The following CTNND2 variants were observed in gnomAD, a reference collection of about 807,000 sequenced individuals.
CTNND2 encodes catenin delta 2, also known as catenin delta-2.
Under a neutral mutation model 144.4 loss-of-function variants are expected in CTNND2, and 22 were observed. The observed-to-expected ratio is 0.15, with a 90% CI of 0.11 to 0.22. CTNND2 has a LOEUF of 0.22. Among genes scored for constraint, CTNND2 ranks in the 10% least tolerant of loss-of-function variants. The probability of loss-of-function intolerance (pLI) is 1.00; values close to 1 mark genes in which losing one functional copy is unlikely to be tolerated. For synonymous variants in CTNND2, 751 were observed against 695.6 expected, an observed-to-expected ratio of 1.08 and a Z score of -1.25; for missense variants, 1,353 against 1,618.8, an observed-to-expected ratio of 0.84 and a Z score of 2.82.
intron 2 of CTNND2, among the ~76,000 whole-genome samples, chr5:11,691,213 T>C (rs1473948418): frequency 6.6e-6 from 1 of 151,676 alleles, no homozygotes; most frequent in East Asian, 1.9e-4. Flanking sequence ...CTACTAAAAA[T>C]ACAAAAAATT....
rs182230831 is a variant in CTNND2, at chr5:11,287,602, G to C, written c.1629-50779C>G. Among the ~76,000 whole-genome samples the C allele has an allele frequency of 9.5e-4, 144 of 152,342 alleles. 1 individual carries two copies. The Middle Eastern group carries it at 0.02, about 22-fold the overall frequency. On this transcript the variant is annotated intron_variant, in intron 9 of 21. Transcript: ENST00000304623. ...CATCCTTAGAAGTGTTCAAGGTAGTGTCCTGCTTAATTCTCAATATGCAGG... is the reference window on the plus strand; with the variant it reads ...CATCCTTAGAAGTGTTCAAGGTAGTCTCCTGCTTAATTCTCAATATGCAGG...
Position 11,278,692 on chromosome 5 carries a change from A to G in CTNND2, c.1629-41869T>C, listed in dbSNP as rs917391023. Among the ~76,000 whole-genome samples, 28 of 152,328 alleles carry G rather than the reference A, an allele frequency of 1.8e-4. No individual in the cohort carries two copies. The South Asian group carries it at 5.8e-3, about 32-fold the overall frequency. On this transcript the variant is annotated intron_variant, in intron 9 of 21. Transcript: ENST00000304623. ...ACACATATGTGTGCATCATTGCAATACAGATGATAATCAAAGCCTTGAGTC... is the reference window on the plus strand; with the variant it reads ...ACACATATGTGTGCATCATTGCAATGCAGATGATAATCAAAGCCTTGAGTC...
intron 2 of CTNND2, among the ~76,000 whole-genome samples, chr5:11,625,389 A>ATCTCTCTCTCTCTCTCTCTCTCTC (rs57148533): frequency 1.9e-4 from 26 of 140,484 alleles, no homozygotes; most frequent in African/African-American, 6.6e-4. Context: ...AAACAGAAAA[A>ATCTCTCTCTCTCTCTCTCTCTCTC]TCTCTCTCTC....
At chr5:11,770,506 T>A (rs144046440) in intron 1 of CTNND2, among the ~76,000 whole-genome samples, 1 of 151,744 alleles carries the variant, frequency 6.6e-6, no homozygotes, top group Admixed American at 6.6e-5. Flanking sequence ...TTCAATATGA[T>A]GGATATATTT....
chr5:11,523,146 T>C (rs180714376), intron 3 of CTNND2, among the ~76,000 whole-genome samples: 2 of 152,330 alleles, frequency 1.3e-5, no homozygotes, highest in African/African-American at 2.4e-5. Flanking sequence ...GGAAGTTTAA[T>C]ACATAATATA....
At chr5:11,352,654 C>T (rs1392069461) in intron 8 of CTNND2, among the ~76,000 whole-genome samples, 3 of 152,044 alleles carry the variant, frequency 2.0e-5, no homozygotes, top group African/African-American at 7.3e-5. Context: ...TTATCTTAAC[C>T]AATAGCATTG....
rs1271158868 is a variant in CTNND2 at position 11,765,497 on chromosome 5, G to T, written c.38-33225C>A. The stretch of plus-strand genomic sequence containing the variant: ...GAAAGCCAGGCCAGACAAGGTCTGT[G>T]TCCACTCTTCTGCATTCACACTCCT... On this transcript the variant is annotated intron_variant, in intron 1 of 21. Coordinates refer to ENST00000304623, the MANE Select transcript of CTNND2 (RefSeq NM_001332.4). Among the ~76,000 whole-genome samples, 3 of 152,184 alleles carry T rather than the reference G, an allele frequency of 2.0e-5. No homozygotes were observed. The South Asian group carries it at 6.2e-4, about 32-fold the overall frequency.
At chr5:11,172,915 A>G (rs1198600623) in intron 11 of CTNND2, among the ~76,000 whole-genome samples, 1 of 152,206 alleles carries the variant, frequency 6.6e-6, no homozygotes, top group African/African-American at 2.4e-5. Context: ...TATACAGTGG[A>G]AGTGAGGACT....
At chr5:11,871,826 C>G (rs1007795932) in intron 1 of CTNND2, among the ~76,000 whole-genome samples, 2 of 152,074 alleles carry the variant, frequency 1.3e-5, no homozygotes, top group African/African-American at 4.8e-5. Flanking sequence ...ATTTCTTATT[C>G]TAATATTGGG....
chr5:11,024,721 G>T (rs1033842473), intron 16 of CTNND2, among the ~76,000 whole-genome samples: 1 of 152,010 alleles, frequency 6.6e-6, no homozygotes, highest in South Asian at 2.1e-4. Context: ...TGAAGAGAGG[G>T]TTAAGAATTT....
chr5:11,684,035 C>T (rs985074767), intron 2 of CTNND2, among the ~76,000 whole-genome samples: 1 of 151,918 alleles, frequency 6.6e-6, no homozygotes, highest in Non-Finnish European at 1.5e-5. Flanking sequence ...ATTATGATGT[C>T]GATCCACTTT....
chr5:11,061,695 A>C (rs1261664143), intron 16 of CTNND2, among the ~76,000 whole-genome samples: 1 of 151,706 alleles, frequency 6.6e-6, no homozygotes, highest in African/African-American at 2.4e-5. Context: ...TGAAGTGGAA[A>C]GTAGATATTG....
intron 16 of CTNND2, among the ~76,000 whole-genome samples, chr5:11,050,346 T>C (rs897481569): frequency 1.3e-5 from 2 of 152,216 alleles, no homozygotes; most frequent in African/African-American, 4.8e-5. Flanking sequence ...GTTAACTGCC[T>C]GCTTCTTACA....
intron 5 of CTNND2, among the ~76,000 whole-genome samples, chr5:11,400,516 C>T (rs537372460): frequency 1.1e-4 from 17 of 152,228 alleles, no homozygotes; most frequent in African/African-American, 4.1e-4. Flanking sequence ...ATGAATCACC[C>T]CTGTGAGCCA....
intron 2 of CTNND2, among the ~76,000 whole-genome samples, chr5:11,615,961 C>T (rs1476841923): frequency 1.3e-5 from 2 of 152,204 alleles, no homozygotes; most frequent in Non-Finnish European, 2.9e-5. Flanking sequence ...GGTCCTCTAT[C>T]TCCATGATGG....
chr5:11,336,859 C>T (rs944870131), intron 9 of CTNND2, among the ~76,000 whole-genome samples: 3 of 152,172 alleles, frequency 2.0e-5, no homozygotes, highest in Non-Finnish European at 2.9e-5. Flanking sequence ...AACACACACA[C>T]ACACACACAT....
intron 18 of CTNND2, among the ~76,000 whole-genome samples, chr5:11,007,475 G>A (rs982049861): frequency 2.0e-5 from 3 of 152,226 alleles, no homozygotes; most frequent in African/African-American, 7.2e-5. Context: ...CGGGCACGTG[G>A]TTATGACAGG....
intron 1 of CTNND2, among the ~76,000 whole-genome samples, chr5:11,858,383 T>TG (rs1472907162): frequency 6.6e-6 from 1 of 152,178 alleles, no homozygotes; most frequent in Non-Finnish European, 1.5e-5. Context: ...GAAGGTCAGA[T>TG]GACAGAAAGA....
intron 13 of CTNND2, among the ~76,000 whole-genome samples, chr5:11,115,801 G>A (rs543929417): frequency 6.6e-6 from 1 of 152,284 alleles, no homozygotes; most frequent in African/African-American, 2.4e-5. Flanking sequence ...CGTCCCAGAG[G>A]TACCTTGCAT....
Sources: gnomAD v4.1 joint callset for allele counts (sites outside exome capture counted in the v4.1 genomes callset) on GRCh38, gnomAD v4.1.1 for gene constraint, MANE v1.5 for transcripts, NCBI Gene and HGNC (gene_info 2026-07-23, HGNC 2026-07-21) for gene names.